Variants in IGSF21 observed in about 807,000 individuals in gnomAD.
IGSF21 encodes immunoglobulin superfamily member 21.
A neutral mutation model predicts 46.8 loss-of-function variants in IGSF21; 28 were observed. The observed-to-expected ratio is 0.60, with a 90% CI of 0.44 to 0.82. The LOEUF is 0.82. Among genes scored for constraint, IGSF21 ranks in the 40% least tolerant of loss-of-function variants. The pLI is 0.00. For synonymous variants in IGSF21, 284 were observed against 273.6 expected (o/e 1.04, Z -0.38); for missense variants, 624 against 665.5 (o/e 0.94, Z 0.69).
At chr1:18,267,256 A>G (rs2084998733) in intron 2 of IGSF21, among the ~76,000 whole-genome samples, 1 of 152,234 alleles carries the variant, frequency 6.6e-6, no homozygotes, top group Admixed American at 6.5e-5. Context: ...GAACTTATTC[A>G]GGAGAGTCAA....
chr1:18,309,103 G>T (rs564728457), intron 3 of IGSF21, among the ~76,000 whole-genome samples: 1 of 151,646 alleles, frequency 6.6e-6, no homozygotes, highest in East Asian at 2.0e-4. Flanking sequence ...AGCTTGCCCC[G>T]AGCAGAGCCA....
At chr1:18,370,748 G>A (rs1005733572) in intron 6 of IGSF21, among the ~76,000 whole-genome samples, 1 of 151,920 alleles carries the variant, frequency 6.6e-6, no homozygotes, top group Non-Finnish European at 1.5e-5. Context: ...AAAGAACTAT[G>A]ACAAATCAAT....
intron 1 of IGSF21, 98 bp downstream of exon 1, chr1:18,108,296 G>A: frequency 5.9e-6 from 7 of 1,190,776 alleles, no homozygotes; most frequent in Non-Finnish European, 7.4e-6. Flanking sequence ...GAGAGGCTCG[G>A]GCTACGAGCA....
chr1:18,296,851 G>A (rs758674758), intron 3 of IGSF21, among the ~76,000 whole-genome samples: 8 of 152,130 alleles, frequency 5.3e-5, no homozygotes, highest in African/African-American at 1.7e-4. Context: ...TGTCCCATTC[G>A]ATCTGCTCAG....
At chr1:18,266,028 A>G (rs1212905069) in intron 2 of IGSF21, among the ~76,000 whole-genome samples, 1 of 152,178 alleles carries the variant, frequency 6.6e-6, no homozygotes, top group Non-Finnish European at 1.5e-5. Flanking sequence ...GTTCTTTGCT[A>G]TCAGAACGTG....
At chr1:18,190,252 G>T (rs1003944729) in intron 1 of IGSF21, among the ~76,000 whole-genome samples, 4 of 152,188 alleles carry the variant, frequency 2.6e-5, no homozygotes, top group Non-Finnish European at 5.9e-5. Context: ...CTCCCTCTTT[G>T]CCTGGTCTCC....
rs148613363 is a variant in IGSF21 at position 18,322,636 on chromosome 1, C to A, written c.306-12256C>A. On this transcript the variant is annotated intron_variant, in intron 3 of 9. Coordinates refer to ENST00000251296, the MANE Select transcript of IGSF21 (RefSeq NM_032880.5). The surrounding 1 kb of genome is among the most constrained non-coding windows in gnomAD (Gnocchi z 4.3). ...CTTTTTCTGAAGAGCACGTGCCCCA[C>A]GCCCCCTGCCTGCCAGTCCTGGGAT... is the stretch of plus-strand genomic sequence containing the variant. Among the ~76,000 whole-genome samples the A allele has an allele frequency of 6.6e-5, 10 of 152,186 alleles. No homozygotes were observed. Among genetic ancestry groups the A allele is most frequent in the Admixed American group, 2.0e-4 (3 of 15,284 alleles).
At position 18,109,126 on chromosome 1, in the gene IGSF21, G is replaced by A. The variant is rs1051778020; in HGVS notation, c.70+928G>A. On this transcript the variant is annotated intron_variant, in intron 1 of 9. Coordinates refer to ENST00000251296, the MANE Select transcript of IGSF21 (RefSeq NM_032880.5). This position sits in a 1 kb window ranked among gnomAD's most constrained non-coding sequence, Gnocchi z 4.8. ...GTGGCTCCGCAGCCCCAGGGTCCGC[G>A]GCCGGCCTCCCACCCAGTGCCGCCG... 6.6e-5 allele frequency among the ~76,000 whole-genome samples: 10 copies of A among 151,956 alleles called. No individual in the cohort carries two copies. Among genetic ancestry groups the A allele is most frequent in the African/African-American group, 2.2e-4 (9 of 41,364 alleles).
chr1:18,133,313 C>G (rs1217358231), intron 1 of IGSF21, among the ~76,000 whole-genome samples: 2 of 152,208 alleles, frequency 1.3e-5, no homozygotes, highest in Non-Finnish European at 2.9e-5. Flanking sequence ...CCTTTCTGGT[C>G]TAACCCCCAT....
chr1:18,289,184 T>C (rs901951664), intron 2 of IGSF21, among the ~76,000 whole-genome samples: 1 of 152,036 alleles, frequency 6.6e-6, no homozygotes, highest in Non-Finnish European at 1.5e-5. Flanking sequence ...AAATTTGAGA[T>C]TGGGACGATA....
chr1:18,267,894 C>G (rs1269571670), intron 2 of IGSF21, among the ~76,000 whole-genome samples: 1 of 152,262 alleles, frequency 6.6e-6, no homozygotes, highest in African/African-American at 2.4e-5. Context: ...TCTGCAATAA[C>G]AGACTGAGTA....
At chr1:18,332,903 G>A (rs1222064530) in intron 3 of IGSF21, among the ~76,000 whole-genome samples, 1 of 152,194 alleles carries the variant, frequency 6.6e-6, no homozygotes, top group Admixed American at 6.5e-5. Context: ...AGGTGTGGGG[G>A]GACAGTGAGT....
intron 1 of IGSF21, among the ~76,000 whole-genome samples, chr1:18,127,874 A>G (rs1570248698): frequency 6.6e-6 from 1 of 152,078 alleles, no homozygotes; most frequent in Non-Finnish European, 1.5e-5. Flanking sequence ...ATGCCACTGC[A>G]CTCCAGCCTG....
intron 4 of IGSF21, among the ~76,000 whole-genome samples, chr1:18,348,572 T>C (rs1253023956): frequency 6.6e-6 from 1 of 152,198 alleles, no homozygotes; most frequent in South Asian, 2.1e-4. Flanking sequence ...TAGTGATATG[T>C]GGCTGTTGAA....
chr1:18,123,477 T>G (rs2086251883), intron 1 of IGSF21, among the ~76,000 whole-genome samples: 1 of 152,178 alleles, frequency 6.6e-6, no homozygotes, highest in Non-Finnish European at 1.5e-5. Context: ...CCTCAAGGAA[T>G]TCATAGTCTC....
Position 18,335,084 on chromosome 1 carries a change from C to A in IGSF21, c.424+74C>A. 2 of 1,160,912 alleles carry A rather than the reference C, an allele frequency of 1.7e-6. No homozygotes were observed. The highest frequency in any genetic ancestry group is 2.6e-6 in the Non-Finnish European group (2 of 773,012). 71.9% of individuals were successfully genotyped at this position (1,160,912 alleles called of 1,614,324 possible). A position where few individuals can be genotyped will look rare whatever the true frequency, so the allele number is the denominator to read the frequency against. On this transcript the variant is annotated intron_variant, in intron 4 of 9. Transcript: ENST00000251296. The surrounding 1 kb of genome is among the most constrained non-coding windows in gnomAD (Gnocchi z 4.8). ...ATGCTTGAGTGTGTGAATGTGCGCA[C>A]AGAGTGGCCATCCTGGGGGCCATCC...
chr1:18,297,009 T>G (rs1345044287), intron 3 of IGSF21, among the ~76,000 whole-genome samples: 1 of 152,134 alleles, frequency 6.6e-6, no homozygotes, highest in African/African-American at 2.4e-5. Flanking sequence ...GCCAACAAGG[T>G]CCTACTTGTC....
At chr1:18,116,371 G>C (rs756120026) in intron 1 of IGSF21, among the ~76,000 whole-genome samples, 7 of 152,160 alleles carry the variant, frequency 4.6e-5, no homozygotes, top group Non-Finnish European at 8.8e-5. Flanking sequence ...ATGGGCTCCT[G>C]TTGTCCACCA....
At chr1:18,289,054 A>G (rs945064632) in intron 2 of IGSF21, among the ~76,000 whole-genome samples, 6 of 152,026 alleles carry the variant, frequency 3.9e-5, no homozygotes, top group African/African-American at 1.4e-4. Context: ...ATGTGTGTGG[A>G]TGTGTGGGGT....
Sources: gnomAD v4.1 joint callset for allele counts (sites outside exome capture counted in the v4.1 genomes callset) on GRCh38, gnomAD v4.1.1 for gene constraint, Gnocchi (gnomAD v3.1) non-coding constraint, MANE v1.5 for transcripts, NCBI Gene and HGNC (gene_info 2026-07-23, HGNC 2026-07-21) for gene names.